NAB1: variants seen among roughly 807,000 people sequenced by gnomAD.
NAB1 encodes NGFI-A binding protein 1.
A neutral mutation model predicts 49.9 loss-of-function variants in NAB1; 25 were observed. That is an observed-to-expected ratio of 0.50 (90% CI 0.37 to 0.70). The LOEUF is 0.70. Ranked by LOEUF, NAB1 falls within the 30% of genes least tolerant of loss-of-function variation. The probability of loss-of-function intolerance (pLI) is 0.00; values close to 1 mark genes in which losing one functional copy is unlikely to be tolerated. For synonymous variants in NAB1, 198 were observed against 215.6 expected, an observed-to-expected ratio of 0.92 and a Z score of 0.71; for missense variants, 489 against 575.9, an observed-to-expected ratio of 0.85 and a Z score of 1.54.
In NAB1 at chr2:190,653,868, A is replaced by G. The variant is rs532424326; in HGVS notation, c.-196-2109A>G. 212 of 152,260 alleles carry G rather than the reference A, an allele frequency of 1.4e-3. 1 individual carries two copies. The highest frequency in any genetic ancestry group is 4.8e-3 in the African/African-American group (200 of 41,554). The allele number at this position is 152,260 out of a possible 1,614,324, so 9.4% of individuals were successfully genotyped here. A position where few individuals can be genotyped will look rare whatever the true frequency, so the allele number is the denominator to read the frequency against. On this transcript the variant is annotated intron_variant, in intron 2 of 9. Coordinates refer to ENST00000337386, the MANE Select transcript of NAB1 (RefSeq NM_005966.4). Reference sequence around the variant, plus strand: ...TGGCAGGAACTTTTGCTTTCTTGGGAGAATAGCCATGTTATAGGAGTGCAC... The same window carrying G: ...TGGCAGGAACTTTTGCTTTCTTGGGGGAATAGCCATGTTATAGGAGTGCAC...
rs2293765 is a variant in NAB1, at chr2:190,656,119, C to T, written c.-54C>T. 1.3e-5 allele frequency: 2 copies of T among 152,118 alleles called. No individual in the cohort carries two copies. Among genetic ancestry groups the T allele is most frequent in the East Asian group, 1.9e-4 (1 of 5,168 alleles). The allele number at this position is 152,118 out of a possible 1,614,324, so 9.4% of individuals were successfully genotyped here. ...TGGAATTCATTGAAAAGTCAGACTC[C>T]GAGTGGTCGTTCCAGGATATCTTGA... On this transcript the variant is annotated 5_prime_UTR_variant, in exon 3 of 10. Coordinates refer to ENST00000337386, the MANE Select transcript of NAB1 (RefSeq NM_005966.4).
intron 2 of NAB1, among the ~76,000 whole-genome samples, chr2:190,650,939 A>G (rs1693633121): frequency 6.6e-6 from 1 of 152,140 alleles, no homozygotes; most frequent in Non-Finnish European, 1.5e-5. Context: ...ATTTCAAGGA[A>G]CTTCTGGAAG....
chr2:190,690,522 CAA>C lies in NAB1; in HGVS notation c.*190_*191del. 1 of 522,726 alleles carries C rather than the reference CAA, an allele frequency of 1.9e-6. No homozygotes were observed. Among genetic ancestry groups the C allele is most frequent in the Non-Finnish European group, 3.4e-6 (1 of 292,790 alleles). The allele number at this position is 522,726 out of a possible 1,614,324, so 32.4% of individuals were successfully genotyped here. ...AAACAACAGCCACAAAAGAGAAAAT[CAA>C]GAGTGTTGCAATCTATAACAGTAAT... is the stretch of plus-strand genomic sequence containing the variant. On this transcript the variant is annotated 3_prime_UTR_variant, in exon 10 of 10. Coordinates refer to ENST00000337386, the MANE Select transcript of NAB1 (RefSeq NM_005966.4).
Position 190,652,585 on chromosome 2 carries a change from T to G in NAB1, c.-197+2603T>G, listed in dbSNP as rs549808387. Among the ~76,000 whole-genome samples, 1 of 152,222 alleles carries G rather than the reference T, an allele frequency of 6.6e-6. No individual in the cohort carries two copies. The highest frequency in any genetic ancestry group is 1.5e-5 in the Non-Finnish European group (1 of 68,032). On this transcript the variant is annotated intron_variant, in intron 2 of 9. Transcript: ENST00000337386. This position sits in a 1 kb window ranked among gnomAD's most constrained non-coding sequence, Gnocchi z 4.2. ...TTTTTTCCAGCTTCATTCATTCCAT[T>G]CAGAATTTAGAAACGAATCAATAAG...
chr2:190,681,887 G>A (rs1292303704), intron 6 of NAB1, among the ~76,000 whole-genome samples: 1 of 152,144 alleles, frequency 6.6e-6, no homozygotes, highest in Admixed American at 6.5e-5. Flanking sequence ...TTTCTGCTGT[G>A]TATTGTAAGA....
At chr2:190,671,028 C>T (rs115975768) in intron 5 of NAB1, among the ~76,000 whole-genome samples, 115 of 152,298 alleles carry the variant, frequency 7.6e-4, no homozygotes, top group African/African-American at 2.5e-3. Flanking sequence ...GCATATTTTT[C>T]TTCACCCTAT....
chr2:190,664,621 A>T (rs1694414212), intron 4 of NAB1, among the ~76,000 whole-genome samples: 2 of 52,052 alleles, frequency 3.8e-5, no homozygotes, highest in East Asian at 4.3e-4. Context: ...TTTTGTAGGG[A>T]CAGGGTTTCC....
rs149735870 is a variant in NAB1 at position 190,654,042 on chromosome 2, G to T, written c.-196-1935G>T. Among the ~76,000 whole-genome samples the T allele has an allele frequency of 5.3e-4, 80 of 152,302 alleles. No individual in the cohort carries two copies. Among genetic ancestry groups the T allele is most frequent in the Non-Finnish European group, 8.5e-4 (58 of 68,020 alleles). ...CCTCCCCTTTGGAATATGAAAGGTT[G>T]CTGATCAGATTCTGACTCAGACATT... is the stretch of plus-strand genomic sequence containing the variant. On this transcript the variant is annotated intron_variant, in intron 2 of 9. Coordinates refer to ENST00000337386, the MANE Select transcript of NAB1 (RefSeq NM_005966.4). This position sits in a 1 kb window ranked among gnomAD's most constrained non-coding sequence, Gnocchi z 5.6.
chr2:190,655,272 T>C (rs780182011), intron 2 of NAB1, among the ~76,000 whole-genome samples: 44 of 152,296 alleles, frequency 2.9e-4, no homozygotes, highest in Non-Finnish European at 5.6e-4. Context: ...CACTCAGCAG[T>C]TGGTGCTTTG....
Position 190,669,203 on chromosome 2 carries a change from T to C in NAB1, c.820-1123T>C, listed in dbSNP as rs578139509. 1.3e-5 allele frequency among the ~76,000 whole-genome samples: 2 copies of C among 152,328 alleles called. No homozygotes were observed. The highest frequency in any genetic ancestry group is 4.8e-5 in the African/African-American group (2 of 41,554). On this transcript the variant is annotated intron_variant, in intron 4 of 9. Coordinates refer to ENST00000337386, the MANE Select transcript of NAB1 (RefSeq NM_005966.4). The surrounding 1 kb of genome is among the most constrained non-coding windows in gnomAD (Gnocchi z 4.3). ...CACACAGTTTAAAACTTATGAATTG[T>C]TTATTTGTATAATTTTTCATTTAAT...
At position 190,676,220 on chromosome 2, in the gene NAB1, G is replaced by T. The variant is rs1695063535; in HGVS notation, c.1005+3068G>T. 6.6e-6 allele frequency among the ~76,000 whole-genome samples: 1 copy of T among 152,058 alleles called. No homozygotes were observed. The highest frequency in any genetic ancestry group is 2.4e-5 in the African/African-American group (1 of 41,410). On this transcript the variant is annotated intron_variant, in intron 6 of 9. Coordinates refer to ENST00000337386, the MANE Select transcript of NAB1 (RefSeq NM_005966.4). This position sits in a 1 kb window ranked among gnomAD's most constrained non-coding sequence, Gnocchi z 4.6. ...GCGATGTGGGGAGGGGATTGGGGTGGCATTATAAAGATAGACTAGCATGGG... is the reference window on the plus strand; with the variant it reads ...GCGATGTGGGGAGGGGATTGGGGTGTCATTATAAAGATAGACTAGCATGGG...
chr2:190,667,709 T>TAA lies in NAB1; in HGVS notation c.820-2615_820-2614dup, dbSNP rs1279380580. Among the ~76,000 whole-genome samples the TAA allele has an allele frequency of 6.6e-6, 1 of 152,170 alleles. No homozygotes were observed. Among genetic ancestry groups the TAA allele is most frequent in the Non-Finnish European group, 1.5e-5 (1 of 68,020 alleles). Reference sequence around the variant, plus strand: ...AACAAATTAATATAAATTACAGTTATAAATTTGGGGAGGAGGATGTTAAAT... The same window carrying TAA: ...AACAAATTAATATAAATTACAGTTATAAAAATTTGGGGAGGAGGATGTTAAAT... On this transcript the variant is annotated intron_variant, in intron 4 of 9. Transcript: ENST00000337386. The surrounding 1 kb of genome is among the most constrained non-coding windows in gnomAD (Gnocchi z 4.4).
intron 2 of NAB1, among the ~76,000 whole-genome samples, chr2:190,655,611 A>G (rs938776172): frequency 1.3e-5 from 2 of 152,234 alleles, no homozygotes; most frequent in Admixed American, 1.3e-4. Context: ...CCCAGAAAAC[A>G]AGCTGGCCTG....
At chr2:190,661,103 G>C (rs940267710) in intron 4 of NAB1, among the ~76,000 whole-genome samples, 2 of 152,096 alleles carry the variant, frequency 1.3e-5, no homozygotes, top group Non-Finnish European at 2.9e-5. Context: ...AATTTTTTAA[G>C]TTTTTCATAG....
rs985470881 is a variant in NAB1 at position 190,677,084 on chromosome 2, A to G, written c.1005+3932A>G. The G allele has an allele frequency of 2.0e-5, 3 of 152,350 alleles. No homozygotes were observed. The highest frequency in any genetic ancestry group is 7.2e-5 in the African/African-American group (3 of 41,596). The allele number at this position is 152,350 out of a possible 1,614,324, so 9.4% of individuals were successfully genotyped here. A position where few individuals can be genotyped will look rare whatever the true frequency, so the allele number is the denominator to read the frequency against. On this transcript the variant is annotated intron_variant, in intron 6 of 9. Transcript: ENST00000337386. The surrounding 1 kb of genome is among the most constrained non-coding windows in gnomAD (Gnocchi z 5.6). ...AATACTGTGTTTTCCTGATCTATAC[A>G]TGAAGGCTTGGGTGGAATGAAGTTA...
At position 190,680,455 on chromosome 2, in the gene NAB1, T is replaced by TGCCTGCTCTGCCACAGCGCC. The variant is rs1695280074; in HGVS notation, c.1006-3282_1006-3263dup. On this transcript the variant is annotated intron_variant, in intron 6 of 9. Coordinates refer to ENST00000337386, the MANE Select transcript of NAB1 (RefSeq NM_005966.4). The surrounding 1 kb of genome is among the most constrained non-coding windows in gnomAD (Gnocchi z 5.2). Reference sequence around the variant, plus strand: ...AGCCTAGACACCCTGGCCTCTGGGATGCCTGCTCTGCCACAGCGCCCTCTG... The same window carrying TGCCTGCTCTGCCACAGCGCC: ...AGCCTAGACACCCTGGCCTCTGGGATGCCTGCTCTGCCACAGCGCCGCCTGCTCTGCCACAGCGCCCTCTG... 6.6e-6 allele frequency among the ~76,000 whole-genome samples: 1 copy of TGCCTGCTCTGCCACAGCGCC among 152,220 alleles called. No homozygotes were observed. Among genetic ancestry groups the TGCCTGCTCTGCCACAGCGCC allele is most frequent in the African/African-American group, 2.4e-5 (1 of 41,448 alleles).
At position 190,659,624 on chromosome 2, in the gene NAB1, C is replaced by G. The variant is rs781216528; in HGVS notation, c.448C>G (p.Leu150Val). Residue 150 changes from leucine (L) to valine (V), a missense_variant, in exon 4 of 10, where the codon CTA becomes GTA. Physicochemically the swap from Leu to Val is conservative, Grantham distance 32. Around this residue, in one of 4 missense-constraint regions of NAB1, gnomAD observed 204 missense variants for 220.9 expected, o/e 0.92. Transcript: ENST00000337386. The surrounding 1 kb of genome is among the most constrained non-coding windows in gnomAD (Gnocchi z 6.2). The part of the protein sequence containing the change: ...GQGKSDVVGS[L>V]ALQSVGESRL... ...GGGGAAGTCAGATGTGGTTGGGAGC[C>G]TAGCACTGCAGAGTGTTGGTGAGTC... The G allele has an allele frequency of 5.0e-6, 8 of 1,614,172 alleles. No homozygotes were observed. Among genetic ancestry groups the G allele is most frequent in the African/African-American group, 1.3e-5 (1 of 75,054 alleles).
Position 190,653,553 on chromosome 2 carries a change from G to A in NAB1, c.-196-2424G>A, listed in dbSNP as rs1198180852. 1.3e-5 allele frequency among the ~76,000 whole-genome samples: 2 copies of A among 152,168 alleles called. 1 individual carries two copies. Among genetic ancestry groups the A allele is most frequent in the Non-Finnish European group, 2.9e-5 (2 of 68,032 alleles). ...TTGCCCGTGGTTTCTTCCCACTCCT[G>A]GAAGTGTGTTCATATGTGTATTGCT... On this transcript the variant is annotated intron_variant, in intron 2 of 9. Coordinates refer to ENST00000337386, the MANE Select transcript of NAB1 (RefSeq NM_005966.4).
rs145318026 is a variant in NAB1, at chr2:190,671,830, C to T, written c.954-1271C>T. Among the ~76,000 whole-genome samples, 843 of 126,884 alleles carry T rather than the reference C, an allele frequency of 6.6e-3. 3 individuals are homozygous for T. Among genetic ancestry groups the T allele is most frequent in the Middle Eastern group, 0.029 (5 of 174 alleles). The allele number at this position is 126,884 out of a possible 152,430, so 83.2% of individuals were successfully genotyped here. Reference sequence around the variant, plus strand: ...CTTGCTCTGTCACCAGGCTGGAGTGCAATAGCTCGATCTTGGTTCACTGCA... The same window carrying T: ...CTTGCTCTGTCACCAGGCTGGAGTGTAATAGCTCGATCTTGGTTCACTGCA... On this transcript the variant is annotated intron_variant, in intron 5 of 9. Coordinates refer to ENST00000337386, the MANE Select transcript of NAB1 (RefSeq NM_005966.4).
Sources: gnomAD v4.1 joint callset for allele counts (sites outside exome capture counted in the v4.1 genomes callset) on GRCh38, gnomAD v4.1.1 for gene constraint, gnomAD v4.1.1 regional missense constraint, Gnocchi (gnomAD v3.1) non-coding constraint, MANE v1.5 for transcripts, NCBI Gene and HGNC (gene_info 2026-07-23, HGNC 2026-07-21) for gene names.